Variants in THEMIS observed in about 807,000 individuals in gnomAD.
The protein encoded by THEMIS is thymocyte selection associated.
THEMIS carries 37 observed loss-of-function variants against 52.6 expected under a neutral mutation model. The observed-to-expected ratio is 0.70, with a 90% CI of 0.54 to 0.93. The LOEUF is 0.93. Ranked by LOEUF, THEMIS falls within the 40% of genes least tolerant of loss-of-function variation. The pLI, the probability that THEMIS is intolerant of heterozygous loss-of-function variation, is 0.00. For missense variants in THEMIS, 808 were observed against 763.1 expected (o/e 1.06, Z -0.69); for synonymous variants, 292 against 272.7 (o/e 1.07, Z -0.70).
intron 5 of THEMIS, among the ~76,000 whole-genome samples, chr6:127,714,299 G>T (rs1325699967): frequency 6.6e-6 from 1 of 151,832 alleles, no homozygotes; most frequent in Non-Finnish European, 1.5e-5. Flanking sequence ...GAACACTAAA[G>T]CAGTCATAGA....
At chr6:127,867,353 C>T (rs1001403426) in intron 1 of THEMIS, among the ~76,000 whole-genome samples, 1 of 152,088 alleles carries the variant, frequency 6.6e-6, no homozygotes, top group Non-Finnish European at 1.5e-5. Flanking sequence ...ATTTCTCTCT[C>T]TCAACCAGCA....
chr6:127,871,550 T>C (rs1466212283), intron 1 of THEMIS, among the ~76,000 whole-genome samples: 1 of 151,752 alleles, frequency 6.6e-6, no homozygotes, highest in Non-Finnish European at 1.5e-5. Context: ...ATCAATAAAA[T>C]TGATAAAATA....
intron 4 of THEMIS, among the ~76,000 whole-genome samples, chr6:127,774,426 C>T (rs147318543): frequency 8.1e-4 from 124 of 152,242 alleles, no homozygotes; most frequent in African/African-American, 2.8e-3. Context: ...AGGATGGTCT[C>T]GATCTCCTGA....
At position 127,897,302 on chromosome 6, in the gene THEMIS, T is replaced by C. The variant is rs62426472; in HGVS notation, c.91+3540A>G. On this transcript the variant is annotated intron_variant, in intron 1 of 5. Coordinates refer to ENST00000368248, the MANE Select transcript of THEMIS (RefSeq NM_001010923.3). ...TAAACTGACTACACTAACACGAAAG[T>C]GGAAAACTTTCGTCCATTAAAAGAC... Among the ~76,000 whole-genome samples the C allele has an allele frequency of 9.3e-3, 1,415 of 151,344 alleles. 10 individuals carry two copies. The highest frequency in any genetic ancestry group is 0.017 in the Middle Eastern group (5 of 294).
intron 4 of THEMIS, among the ~76,000 whole-genome samples, chr6:127,725,853 G>A (rs1014231010): frequency 5.9e-5 from 9 of 152,088 alleles, no homozygotes; most frequent in Non-Finnish European, 1.2e-4. Flanking sequence ...GTTGTTTACA[G>A]AGGGTTTGCT....
chr6:127,907,320 T>G (rs1236855513), intron 1 of THEMIS, among the ~76,000 whole-genome samples: 1 of 142,546 alleles, frequency 7.0e-6, no homozygotes, highest in African/African-American at 2.6e-5. Flanking sequence ...ACAATACCAT[T>G]AGGGCATTAG....
intron 4 of THEMIS, among the ~76,000 whole-genome samples, chr6:127,787,850 T>TATAGATAGATGATAGATAGATAG (rs779580245): frequency 8.1e-4 from 111 of 137,584 alleles, no homozygotes; most frequent in African/African-American, 3.1e-3. Flanking sequence ...GATAGACAGA[T>TATAGATAGATGATAGATAGATAG]ATAGATAGAT....
intron 1 of THEMIS, among the ~76,000 whole-genome samples, chr6:127,856,196 A>G (rs143257518): frequency 7.2e-5 from 11 of 152,102 alleles, no homozygotes; most frequent in Non-Finnish European, 1.0e-4. Flanking sequence ...TTTTCTGTGT[A>G]GAACCACCTC....
At chr6:127,760,643 G>A (rs932005515) in intron 4 of THEMIS, among the ~76,000 whole-genome samples, 5 of 152,046 alleles carry the variant, frequency 3.3e-5, no homozygotes, top group Admixed American at 1.3e-4. Context: ...AACTAGCCAG[G>A]CATGGTGGTG....
chr6:127,715,907 C>T (rs1460705011), intron 5 of THEMIS, among the ~76,000 whole-genome samples: 3 of 151,938 alleles, frequency 2.0e-5, no homozygotes, highest in African/African-American at 7.2e-5. Context: ...GAAAGTCAAG[C>T]TCAGAGAAAT....
At chr6:127,853,104 T>C (rs1583354551) in intron 2 of THEMIS, among the ~76,000 whole-genome samples, 2 of 151,700 alleles carry the variant, frequency 1.3e-5, no homozygotes, top group East Asian at 1.9e-4. Flanking sequence ...CTAAATACCA[T>C]GGGGATTATT....
upstream of THEMIS, among the ~76,000 whole-genome samples, chr6:127,904,211 C>G (rs1241283495): frequency 6.6e-6 from 1 of 152,066 alleles, no homozygotes; most frequent in East Asian, 1.9e-4. Flanking sequence ...CTCAGCACCA[C>G]TTTTTCCCCT....
At chr6:127,757,818 T>C (rs772473844) in intron 4 of THEMIS, among the ~76,000 whole-genome samples, 4 of 152,140 alleles carry the variant, frequency 2.6e-5, no homozygotes, top group South Asian at 2.1e-4. Context: ...TCAAGTCATA[T>C]AGACAAGTCT....
At chr6:127,875,313 AC>A (rs1780281993) in intron 1 of THEMIS, among the ~76,000 whole-genome samples, 1 of 152,230 alleles carries the variant, frequency 6.6e-6, no homozygotes. Flanking sequence ...AACTTTTGAC[AC>A]CAGTGACAGA....
chr6:127,732,421 T>C (rs1331707643), intron 4 of THEMIS, among the ~76,000 whole-genome samples: 2 of 152,192 alleles, frequency 1.3e-5, no homozygotes, highest in African/African-American at 2.4e-5. Flanking sequence ...AATACTTTCA[T>C]GAAATGCACA....
At chr6:127,840,210 G>T (rs1203213231) in intron 2 of THEMIS, among the ~76,000 whole-genome samples, 1 of 152,036 alleles carries the variant, frequency 6.6e-6, no homozygotes, top group Non-Finnish European at 1.5e-5. Context: ...ATAATAATCA[G>T]AAATGCAGAC....
intron 4 of THEMIS, among the ~76,000 whole-genome samples, chr6:127,721,896 G>A (rs1321103285): frequency 6.6e-6 from 1 of 151,956 alleles, no homozygotes; most frequent in Non-Finnish European, 1.5e-5. Context: ...AAATTCAATT[G>A]AAAATATTAA....
chr6:127,785,099 C>T (rs566548405), intron 4 of THEMIS, among the ~76,000 whole-genome samples: 2 of 151,844 alleles, frequency 1.3e-5, no homozygotes, highest in Non-Finnish European at 2.9e-5. Context: ...ACTTACCTGT[C>T]ATCTATCTAC....
At chr6:127,900,321 T>C (rs144076341) in intron 1 of THEMIS, among the ~76,000 whole-genome samples, 6 of 152,090 alleles carry the variant, frequency 3.9e-5, no homozygotes, top group Non-Finnish European at 7.4e-5. Flanking sequence ...TTTCTATACC[T>C]TCAAATTAAA....
Sources: allele counts gnomAD v4.1 joint callset (sites outside exome capture counted in the v4.1 genomes callset), GRCh38; gene constraint gnomAD v4.1.1; transcripts MANE v1.5; gene names NCBI Gene and HGNC (gene_info 2026-07-23, HGNC 2026-07-21).